CALN1: variants seen among roughly 807,000 people sequenced by gnomAD.
CALN1 encodes calneuron 1, also known as calcium-binding protein 8.
In CALN1, 17 loss-of-function variants were observed where a neutral mutation model predicts 30.6. The ratio of observed to expected loss-of-function variants is 0.56; its 90% confidence interval spans 0.38 to 0.83. The LOEUF (loss-of-function observed/expected upper bound fraction) is 0.83. Among genes scored for constraint, CALN1 ranks in the 40% least tolerant of loss-of-function variants. The probability of loss-of-function intolerance (pLI) is 0.00; values close to 1 mark genes in which losing one functional copy is unlikely to be tolerated. For missense variants in CALN1, 291 were observed against 354.9 expected (o/e 0.82, Z 1.45); for synonymous variants, 156 against 131.4 (o/e 1.19, Z -1.28).
intron 4 of CALN1, among the ~76,000 whole-genome samples, chr7:72,074,986 T>C (rs765561460): frequency 3.3e-5 from 5 of 152,202 alleles, no homozygotes; most frequent in Non-Finnish European, 4.4e-5. Flanking sequence ...ATGGAAGCAT[T>C]ACTTCTAGCC....
At chr7:72,374,326 C>G (rs1193439721) in intron 2 of CALN1, among the ~76,000 whole-genome samples, 1 of 152,148 alleles carries the variant, frequency 6.6e-6, no homozygotes, top group Non-Finnish European at 1.5e-5. Context: ...GTCAGGAGCT[C>G]AATCCCAGCC....
chr7:72,078,608 A>C (rs1584896130), intron 4 of CALN1, among the ~76,000 whole-genome samples: 1 of 152,154 alleles, frequency 6.6e-6, no homozygotes, highest in Admixed American at 6.6e-5. Context: ...AGAGGAACCG[A>C]GAAGGGCCCC....
chr7:72,127,765 T>C (rs1381121927), intron 3 of CALN1, among the ~76,000 whole-genome samples: 1 of 152,074 alleles, frequency 6.6e-6, no homozygotes, highest in Admixed American at 6.6e-5. Flanking sequence ...CTAGTGGGAG[T>C]GTAAATTGGT....
chr7:72,194,742 C>A (rs551720898), intron 3 of CALN1, among the ~76,000 whole-genome samples: 2 of 151,910 alleles, frequency 1.3e-5, no homozygotes, highest in African/African-American at 4.8e-5. Flanking sequence ...CAGGTGCCAG[C>A]CACCACGGCC....
intron 4 of CALN1, among the ~76,000 whole-genome samples, chr7:72,058,099 C>T (rs544585937): frequency 1.3e-5 from 2 of 152,196 alleles, no homozygotes; most frequent in African/African-American, 4.8e-5. Context: ...GAAAATTGCT[C>T]TTCTGGGGCC....
chr7:72,066,103 C>A (rs1356004349), intron 4 of CALN1, among the ~76,000 whole-genome samples: 1 of 152,202 alleles, frequency 6.6e-6, no homozygotes, highest in Non-Finnish European at 1.5e-5. Context: ...CTTTTCTTCT[C>A]TTGTTTTTGT....
chr7:72,396,717 CTTTGT>C (rs951977418), intron 2 of CALN1, among the ~76,000 whole-genome samples: 7 of 152,046 alleles, frequency 4.6e-5, no homozygotes, highest in Non-Finnish European at 7.4e-5. Flanking sequence ...TGCCTGGGGT[CTTTGT>C]TTTAATTGTG....
At chr7:71,973,775 G>A (rs771146996) in intron 5 of CALN1, among the ~76,000 whole-genome samples, 2 of 152,080 alleles carry the variant, frequency 1.3e-5, no homozygotes, top group Non-Finnish European at 2.9e-5. Flanking sequence ...CAAACAAAGG[G>A]TAAATAAAAT....
chr7:72,193,969 G>A (rs546511038), intron 3 of CALN1, among the ~76,000 whole-genome samples: 11 of 152,240 alleles, frequency 7.2e-5, no homozygotes, highest in African/African-American at 2.2e-4. Context: ...AAGGGTGGGA[G>A]GGGGTGAGAG....
intron 3 of CALN1, among the ~76,000 whole-genome samples, chr7:72,145,953 G>T (rs530500519): frequency 1.3e-5 from 2 of 152,110 alleles, no homozygotes; most frequent in Non-Finnish European, 2.9e-5. Flanking sequence ...AATAAATTAG[G>T]TATTGATGGG....
intron 5 of CALN1, among the ~76,000 whole-genome samples, chr7:71,888,849 CAGA>C (rs1400113691): frequency 6.6e-6 from 1 of 152,076 alleles, no homozygotes; most frequent in Non-Finnish European, 1.5e-5. Flanking sequence ...GTGCTTTGGG[CAGA>C]AGGAGACACC....
intron 5 of CALN1, among the ~76,000 whole-genome samples, chr7:71,813,367 G>C (rs1168220952): frequency 1.3e-5 from 2 of 152,114 alleles, no homozygotes; most frequent in East Asian, 1.9e-4. Flanking sequence ...ACTAGTAAGA[G>C]ATAAAATAAA....
rs55667543 is a variant in CALN1 at position 71,795,814 on chromosome 7, C to CTTTTTTTTTTT, written c.659-7923_659-7913dup. ...ATGTAGCATTTACCAGTACTTCATT[C>CTTTTTTTTTTT]TTTTTTTTTTTTTTTTTTTTTTGAG... is the stretch of plus-strand genomic sequence containing the variant. On this transcript the variant is annotated intron_variant, in intron 6 of 6. Coordinates refer to ENST00000395275, the MANE Select transcript of CALN1 (RefSeq NM_031468.4). 6.7e-4 allele frequency among the ~76,000 whole-genome samples: 66 copies of CTTTTTTTTTTT among 98,548 alleles called. 4 individuals carry two copies. The highest frequency in any genetic ancestry group is 2.8e-3 in the African/African-American group (62 of 22,292). 64.7% of individuals were successfully genotyped at this position (98,548 alleles called of 152,430 possible). A position where few individuals can be genotyped will look rare whatever the true frequency, so the allele number is the denominator to read the frequency against.
At chr7:72,266,167 C>T (rs902017383) in intron 3 of CALN1, among the ~76,000 whole-genome samples, 2 of 151,838 alleles carry the variant, frequency 1.3e-5, no homozygotes, top group Admixed American at 6.6e-5. Flanking sequence ...TACAATGTAC[C>T]CCCATCTCCT....
At chr7:72,046,189 G>A (rs1055317280) in intron 4 of CALN1, among the ~76,000 whole-genome samples, 4 of 151,782 alleles carry the variant, frequency 2.6e-5, no homozygotes, top group Admixed American at 2.0e-4. Context: ...GGTACATGCC[G>A]ACAGTCACAG....
At chr7:72,319,674 C>A (rs774884513) in intron 2 of CALN1, among the ~76,000 whole-genome samples, 3 of 152,176 alleles carry the variant, frequency 2.0e-5, no homozygotes, top group Admixed American at 6.5e-5. Context: ...CCAAGCTATG[C>A]ACAATATACT....
At chr7:71,933,879 C>A (rs571464035) in intron 5 of CALN1, among the ~76,000 whole-genome samples, 13 of 152,156 alleles carry the variant, frequency 8.5e-5, no homozygotes, top group African/African-American at 2.9e-4. Flanking sequence ...ATTATCAACA[C>A]CAGGGCCAGG....
At chr7:72,172,990 CT>C (rs959964241) in intron 3 of CALN1, among the ~76,000 whole-genome samples, 55 of 149,140 alleles carry the variant, frequency 3.7e-4, no homozygotes, top group African/African-American at 8.6e-4. Context: ...AGATAAATAT[CT>C]TTTTTTTTTG....
rs1799110104 is a variant in CALN1 at position 71,994,087 on chromosome 7, C to A, written c.501+29570G>T. Among the ~76,000 whole-genome samples the A allele has an allele frequency of 2.0e-5, 3 of 151,968 alleles. No homozygotes were observed. The South Asian group carries it at 6.2e-4, about 32-fold the overall frequency. On this transcript the variant is annotated intron_variant, in intron 5 of 6. Coordinates refer to ENST00000395275, the MANE Select transcript of CALN1 (RefSeq NM_031468.4). ...AATATGTCTCTTGAGTAATACCCAA[C>A]CCCTACTATAAAAATTTTTAAGAAA...
Sources: allele counts gnomAD v4.1 joint callset (sites outside exome capture counted in the v4.1 genomes callset), GRCh38; gene constraint gnomAD v4.1.1; transcripts MANE v1.5; gene names NCBI Gene and HGNC (gene_info 2026-07-23, HGNC 2026-07-21).